RREB1: variants seen among roughly 807,000 people sequenced by gnomAD.
The protein encoded by RREB1 is ras responsive element binding protein 1.
RREB1 carries 27 observed loss-of-function variants against 117.8 expected under a neutral mutation model. That is an observed-to-expected ratio of 0.23 (90% CI 0.17 to 0.32). RREB1 has a LOEUF of 0.32. RREB1 is among the 10% of genes least tolerant of loss of function. The pLI is 1.00. For synonymous variants in RREB1, 1,298 were observed against 1,026.7 expected (o/e 1.26, Z -5.05); for missense variants, 2,577 against 2,378.2 (o/e 1.08, Z -1.74).
intron 1 of RREB1, among the ~76,000 whole-genome samples, chr6:7,175,182 C>G (rs1480933421): frequency 6.6e-6 from 1 of 152,034 alleles, no homozygotes; most frequent in African/African-American, 2.4e-5. Flanking sequence ...TTGTGCATTT[C>G]TGAAAACTCC....
chr6:7,243,394 G>C (rs1768827099), intron 11 of RREB1, among the ~76,000 whole-genome samples: 1 of 151,870 alleles, frequency 6.6e-6, no homozygotes, highest in African/African-American at 2.4e-5. Context: ...TTTCTTAGTT[G>C]TTGAACAACA....
chr6:7,172,873 G>T (rs943136214), intron 1 of RREB1, among the ~76,000 whole-genome samples: 2 of 152,212 alleles, frequency 1.3e-5, no homozygotes, highest in Non-Finnish European at 2.9e-5. Flanking sequence ...GGCAGAACAG[G>T]CATGGCCCTC....
In RREB1 at chr6:7,248,513, G is replaced by T; in HGVS notation, c.4774G>T (p.Glu1592Ter). 1 of 1,613,874 alleles carries T rather than the reference G, an allele frequency of 6.2e-7. No individual in the cohort carries two copies. The highest frequency in any genetic ancestry group is 8.5e-7 in the Non-Finnish European group (1 of 1,179,744). Residue 1592 changes from glutamate to a stop codon, truncating the protein, a stop_gained and splice_region_variant, in exon 13 of 13, where the codon GAA becomes TAA. Transcript: ENST00000379938. LOFTEE classifies it high-confidence loss of function. ...AATTCTTTCTTCCATTGTTCCAGGG[G>T]AAAGGCCATACAAATGTCAGACCTG... The part of the protein sequence containing the change: ...LTRHMRSHTG[E>*]RPYKCQTCER...
chr6:7,131,338 TC>T (rs1762150321), intron 1 of RREB1, among the ~76,000 whole-genome samples: 1 of 152,238 alleles, frequency 6.6e-6, no homozygotes, highest in Non-Finnish European at 1.5e-5. Flanking sequence ...GGTATAATTA[TC>T]CTCATTTTGC....
chr6:7,237,667 A>G (rs1561803363), intron 10 of RREB1, among the ~76,000 whole-genome samples: 2 of 152,146 alleles, frequency 1.3e-5, no homozygotes, highest in Non-Finnish European at 2.9e-5. Flanking sequence ...AATAAATAGA[A>G]TCATTTGCTA....
chr6:7,108,326 T>TCCTCCTCCC (rs1418461972), intron 1 of RREB1, among the ~76,000 whole-genome samples: 1 of 151,042 alleles, frequency 6.6e-6, no homozygotes, highest in Non-Finnish European at 1.5e-5. Context: ...TTCCTCCTCC[T>TCCTCCTCCC]CCTCCTCCTC....
intron 1 of RREB1, among the ~76,000 whole-genome samples, chr6:7,161,651 AT>A (rs1469673000): frequency 6.6e-6 from 1 of 152,060 alleles, no homozygotes; most frequent in African/African-American, 2.4e-5. Context: ...ATAGATATTT[AT>A]TTGTAGGTTT....
chr6:7,166,843 C>T (rs1763954417), intron 1 of RREB1, among the ~76,000 whole-genome samples: 1 of 152,202 alleles, frequency 6.6e-6, no homozygotes, highest in Non-Finnish European at 1.5e-5. Flanking sequence ...TGCTGCTGCA[C>T]CCTTTCCCTG....
intron 6 of RREB1, among the ~76,000 whole-genome samples, chr6:7,202,389 G>A (rs1327435795): frequency 1.3e-5 from 2 of 152,186 alleles, no homozygotes; most frequent in Non-Finnish European, 2.9e-5. Flanking sequence ...TCAAGTGATC[G>A]CCTTTCAAGC....
intron 1 of RREB1, among the ~76,000 whole-genome samples, chr6:7,167,790 C>T (rs75062003): frequency 0.046 from 6,930 of 152,218 alleles, 215 homozygotes; most frequent in Middle Eastern, 0.088. Context: ...ATCAGTAGCT[C>T]GCATGCTGGA....
At chr6:7,225,615 A>G (rs1451359196) in intron 8 of RREB1, among the ~76,000 whole-genome samples, 1 of 152,210 alleles carries the variant, frequency 6.6e-6, no homozygotes, top group Non-Finnish European at 1.5e-5. Context: ...TTAGGATGTC[A>G]AAGATCATCT....
At chr6:7,247,526 C>T (rs554044121) in intron 12 of RREB1, among the ~76,000 whole-genome samples, 1 of 152,252 alleles carries the variant, frequency 6.6e-6, no homozygotes, top group East Asian at 1.9e-4. Flanking sequence ...TAACAGCTGC[C>T]CTGTTTCATA....
intron 11 of RREB1, among the ~76,000 whole-genome samples, chr6:7,244,985 G>T (rs933573396): frequency 2.0e-5 from 3 of 152,188 alleles, no homozygotes; most frequent in Admixed American, 2.0e-4. Flanking sequence ...TGAATCTGCT[G>T]GCTCAAGGAC....
At chr6:7,192,976 T>C (rs1765488082) in intron 6 of RREB1, among the ~76,000 whole-genome samples, 1 of 152,184 alleles carries the variant, frequency 6.6e-6, no homozygotes, top group Admixed American at 6.5e-5. Context: ...TTTTTGTATG[T>C]TGTGTTTTCT....
intron 1 of RREB1, among the ~76,000 whole-genome samples, chr6:7,140,422 G>T (rs1581437847): frequency 6.6e-6 from 1 of 151,970 alleles, no homozygotes; most frequent in East Asian, 1.9e-4. Context: ...AATCTATTTC[G>T]TTTCTGGAGT....
chr6:7,224,113 T>A (rs1052893160), intron 8 of RREB1, among the ~76,000 whole-genome samples: 1 of 152,156 alleles, frequency 6.6e-6, no homozygotes, highest in African/African-American at 2.4e-5. Flanking sequence ...CGTAAAAATC[T>A]AGGATTCTGC....
chr6:7,131,380 C>T (rs1762151754), intron 1 of RREB1, among the ~76,000 whole-genome samples: 1 of 152,130 alleles, frequency 6.6e-6, no homozygotes. Context: ...GGGGAGGTTA[C>T]CCTAATCTTT....
intron 1 of RREB1, among the ~76,000 whole-genome samples, chr6:7,175,028 G>A (rs1347033305): frequency 6.6e-6 from 1 of 151,730 alleles, no homozygotes; most frequent in East Asian, 1.9e-4. Context: ...GCAGTTTCTA[G>A]AAAAAAACCA....
At chr6:7,209,779 G>T (rs563224785) in intron 6 of RREB1, among the ~76,000 whole-genome samples, 1 of 151,978 alleles carries the variant, frequency 6.6e-6, no homozygotes, top group African/African-American at 2.4e-5. Flanking sequence ...TTTTCAGAAG[G>T]TTGACAGGAT....
Sources: gnomAD v4.1 joint callset for allele counts (sites outside exome capture counted in the v4.1 genomes callset) on GRCh38, gnomAD v4.1.1 for gene constraint, MANE v1.5 for transcripts, NCBI Gene and HGNC (gene_info 2026-07-23, HGNC 2026-07-21) for gene names.